ITGB2: variants seen among roughly 807,000 people sequenced by gnomAD.
The protein encoded by ITGB2 is integrin beta-2.
A neutral mutation model predicts 86.8 loss-of-function variants in ITGB2; 56 were observed. The observed-to-expected ratio is 0.65, with a 90% CI of 0.52 to 0.81. The LOEUF (loss-of-function observed/expected upper bound fraction) is 0.81, where lower values mean the gene tolerates loss of function less well. ITGB2 is among the 30% of genes least tolerant of loss of function. The pLI, the probability that ITGB2 is intolerant of heterozygous loss-of-function variation, is 0.00. For synonymous variants in ITGB2, 457 were observed against 450.4 expected, an observed-to-expected ratio of 1.01 and a Z score of -0.19; for missense variants, 948 against 1,061.2, an observed-to-expected ratio of 0.89 and a Z score of 1.48.
intron 9 of ITGB2, chr21:44,894,271 G>T (rs2146509802): frequency 6.2e-6 from 1 of 162,216 alleles, no homozygotes; most frequent in Non-Finnish European, 1.4e-5. Context: ...CCCAACGTTT[G>T]TCGGAGGCGC....
At chr21:44,897,470 G>C (rs1395960460) in intron 8 of ITGB2, among the ~76,000 whole-genome samples, 1 of 152,230 alleles carries the variant, frequency 6.6e-6, no homozygotes, top group Non-Finnish European at 1.5e-5. Context: ...ATGGCCAGCA[G>C]GTCGGTCACT....
chr21:44,924,041 C>T (rs148662944), upstream of ITGB2, among the ~76,000 whole-genome samples: 206 of 152,122 alleles, frequency 1.4e-3, 6 homozygotes, highest in East Asian at 0.03. Context: ...CTTTGTGTGC[C>T]GAACTTCAAA....
chr21:44,896,438 C>T (rs2083872228), intron 8 of ITGB2, among the ~76,000 whole-genome samples: 1 of 152,226 alleles, frequency 6.6e-6, no homozygotes, highest in Admixed American at 6.5e-5. Context: ...ACATGCTCAG[C>T]TTCTTTCATG....
chr21:44,923,638 A>G (rs952686829), upstream of ITGB2, among the ~76,000 whole-genome samples: 7 of 152,236 alleles, frequency 4.6e-5, no homozygotes, highest in Admixed American at 2.0e-4. Context: ...AAGGAAGTGT[A>G]AAGTTATTAT....
intron 8 of ITGB2, among the ~76,000 whole-genome samples, chr21:44,897,493 A>T (rs1029177612): frequency 7.2e-5 from 11 of 152,128 alleles, no homozygotes; most frequent in Non-Finnish European, 1.2e-4. Flanking sequence ...CCGGATGAGG[A>T]TAATCGGGCC....
At chr21:44,913,274 G>A (rs1434598343) in intron 1 of ITGB2, among the ~76,000 whole-genome samples, 6 of 152,194 alleles carry the variant, frequency 3.9e-5, no homozygotes, top group Admixed American at 2.0e-4. Flanking sequence ...CCCTGGGGCC[G>A]CAGACATGAG....
chr21:44,901,452 TG>T, intron 6 of ITGB2, 39 bp downstream of exon 6: 1 of 1,607,768 alleles, frequency 6.2e-7, no homozygotes, highest in Non-Finnish European at 8.5e-7. Flanking sequence ...CCCCCCACAC[TG>T]GGGGAACGTG....
At chr21:44,911,225 AC>A (rs1325743755) in intron 1 of ITGB2, 1 of 274,078 alleles carries the variant, frequency 3.6e-6, no homozygotes, top group African/African-American at 2.2e-5. Flanking sequence ...CCTTACCCAC[AC>A]CATACTCCCC....
chr21:44,908,183 C>G, intron 3 of ITGB2: 1 of 729,284 alleles, frequency 1.4e-6, no homozygotes. Flanking sequence ...AAGCCGCTCC[C>G]TGTGGGACGC....
intron 1 of ITGB2, among the ~76,000 whole-genome samples, chr21:44,918,505 AC>A (rs1568909141): frequency 6.6e-6 from 1 of 152,100 alleles, no homozygotes; most frequent in African/African-American, 2.4e-5. Context: ...TGGCCAGACC[AC>A]CCCTCCTGTT....
intron 8 of ITGB2, among the ~76,000 whole-genome samples, chr21:44,897,391 G>T (rs567387701): frequency 6.6e-6 from 1 of 152,350 alleles, no homozygotes; most frequent in Admixed American, 6.5e-5. Context: ...CAGAGCCCCA[G>T]GCAGGGGGAA....
intron 5 of ITGB2, 168 bp from the exon 6 acceptor site, chr21:44,901,901 A>C (rs1363287043): frequency 1.4e-6 from 1 of 733,030 alleles, no homozygotes; most frequent in Non-Finnish European, 2.2e-6. Context: ...TTGTGCAAGC[A>C]CACATGTGAA....
intron 1 of ITGB2, among the ~76,000 whole-genome samples, chr21:44,913,176 G>A (rs992488692): frequency 6.6e-6 from 1 of 152,060 alleles, no homozygotes; most frequent in Middle Eastern, 3.2e-3. Context: ...CCCCCAGGTC[G>A]CAGCTGCGCC....
chr21:44,900,583 G>T, intron 6 of ITGB2, 108 bp from the exon 7 acceptor site: 1 of 1,388,272 alleles, frequency 7.2e-7, no homozygotes, highest in Non-Finnish European at 1.0e-6. Flanking sequence ...GGAGGCTGGT[G>T]TGGGTCCCCC....
At chr21:44,919,857 G>A (rs1211273966) in intron 1 of ITGB2, among the ~76,000 whole-genome samples, 1 of 145,808 alleles carries the variant, frequency 6.9e-6, no homozygotes, top group Non-Finnish European at 1.5e-5. Flanking sequence ...TGCAAGGGGT[G>A]GTGCCAGGGG....
intron 5 of ITGB2, 21 bp downstream of exon 5, chr21:44,903,344 C>T: frequency 6.2e-7 from 1 of 1,613,860 alleles, no homozygotes; most frequent in Non-Finnish European, 8.5e-7. Flanking sequence ...TGGGTTTTGT[C>T]CTGCAGTGCC....
chr21:44,922,121 T>A (rs963789229), upstream of ITGB2, among the ~76,000 whole-genome samples: 2 of 152,160 alleles, frequency 1.3e-5, no homozygotes, highest in African/African-American at 2.4e-5. Context: ...AAGAAATAAG[T>A]AAAAATTATG....
chr21:44,913,684 G>A (rs932955629), intron 1 of ITGB2, among the ~76,000 whole-genome samples: 2 of 152,228 alleles, frequency 1.3e-5, no homozygotes, highest in Admixed American at 6.5e-5. Flanking sequence ...CTGGCAGCCA[G>A]CCTCCCTTCT....
At chr21:44,889,250 G>C (rs750852683) in intron 13 of ITGB2, 26 bp downstream of exon 13, 33 of 1,607,448 alleles carry the variant, frequency 2.1e-5, no homozygotes, top group Non-Finnish European at 2.8e-5. Context: ...ATCCCTGCCC[G>C]CCCTGCCTGC....
Sources: allele counts gnomAD v4.1 joint callset (sites outside exome capture counted in the v4.1 genomes callset), GRCh38; gene constraint gnomAD v4.1.1; transcripts MANE v1.5; gene names NCBI Gene and HGNC (gene_info 2026-07-23, HGNC 2026-07-21).